TBCK: variants seen among roughly 807,000 people sequenced by gnomAD.
The protein encoded by TBCK is TBC domain-containing protein kinase-like protein.
Under a neutral mutation model 113.4 loss-of-function variants are expected in TBCK, and 99 were observed. The observed-to-expected ratio is 0.87, with a 90% CI of 0.74 to 1.03. The LOEUF is 1.03. Among genes scored for constraint, TBCK ranks in the 50% least tolerant of loss-of-function variants. The pLI is 0.00. For synonymous variants in TBCK, 369 were observed against 370.8 expected (o/e 1.00, Z 0.05); for missense variants, 1,045 against 1,061.3 (o/e 0.98, Z 0.21).
intron 3 of TBCK, among the ~76,000 whole-genome samples, chr4:106,283,126 CAT>C (rs1434996069): frequency 3.3e-5 from 5 of 151,618 alleles, no homozygotes; most frequent in Non-Finnish European, 7.4e-5. Flanking sequence ...AATTGTAGCA[CAT>C]GATTAAAAAA....
At chr4:106,186,501 T>C (rs891647047) in intron 22 of TBCK, among the ~76,000 whole-genome samples, 3 of 152,212 alleles carry the variant, frequency 2.0e-5, no homozygotes, top group Non-Finnish European at 1.5e-5. Context: ...TGAACATTTT[T>C]TCATATGCTT....
intron 20 of TBCK, among the ~76,000 whole-genome samples, chr4:106,196,919 G>C: frequency 6.6e-6 from 1 of 151,994 alleles, no homozygotes; most frequent in East Asian, 1.9e-4. Flanking sequence ...TCCTATACTA[G>C]TCTTTGTAAT....
At chr4:106,196,733 T>C (rs1387464132) in intron 20 of TBCK, among the ~76,000 whole-genome samples, 1 of 152,094 alleles carries the variant, frequency 6.6e-6, no homozygotes, top group Non-Finnish European at 1.5e-5. Flanking sequence ...AAAACATAAA[T>C]TGTTCATTTA....
At chr4:106,062,900 C>A (rs915326055) in intron 25 of TBCK, among the ~76,000 whole-genome samples, 3 of 151,814 alleles carry the variant, frequency 2.0e-5, no homozygotes, top group African/African-American at 7.3e-5. Flanking sequence ...TGTTAAAAAA[C>A]CAAGAAAACC....
rs545279134 is a variant in TBCK at position 106,239,296 on chromosome 4, G to C, written c.1171-2488C>G. Among the ~76,000 whole-genome samples, 90 of 152,164 alleles carry C rather than the reference G, an allele frequency of 5.9e-4. 1 individual carries two copies. The highest frequency in any genetic ancestry group is 8.8e-4 in the Non-Finnish European group (60 of 67,990). On this transcript the variant is annotated intron_variant, in intron 12 of 25. Transcript: ENST00000394708. ...GCTGAGAAGCCTTGTGAAGGTCACA[G>C]CCCAGGAACACAGGCTCACTAAAAA...
intron 22 of TBCK, among the ~76,000 whole-genome samples, chr4:106,188,096 G>T (rs979825029): frequency 6.6e-6 from 1 of 152,160 alleles, no homozygotes; most frequent in African/African-American, 2.4e-5. Context: ...TGGAATAGGA[G>T]TGGTGAGAGT....
Position 106,136,098 on chromosome 4 carries a change from T to C in TBCK, c.2236-19720A>G, listed in dbSNP as rs965412921. Among the ~76,000 whole-genome samples the C allele has an allele frequency of 4.9e-5, 7 of 141,988 alleles. 1 individual carries two copies. Among genetic ancestry groups the C allele is most frequent in the Admixed American group, 6.9e-5 (1 of 14,426 alleles). The allele number at this position is 141,988 out of a possible 152,430, so 93.1% of individuals were successfully genotyped here. Reference sequence around the variant, plus strand: ...TTAATATCTAGATTAAGTGATGGCATTGGTAATCGAGAGCTTTGCTCAATT... The same window carrying C: ...TTAATATCTAGATTAAGTGATGGCACTGGTAATCGAGAGCTTTGCTCAATT... On this transcript the variant is annotated intron_variant, in intron 23 of 25. Coordinates refer to ENST00000394708, the MANE Select transcript of TBCK (RefSeq NM_001163435.3).
At chr4:106,088,912 A>C (rs1275597275) in intron 25 of TBCK, among the ~76,000 whole-genome samples, 1 of 152,016 alleles carries the variant, frequency 6.6e-6, no homozygotes, top group Admixed American at 6.6e-5. Flanking sequence ...GGAACAATAC[A>C]CCCCATGGCT....
At chr4:106,316,653 C>A, upstream of TBCK, 1 of 1,520,044 alleles carries the variant, frequency 6.6e-7, no homozygotes, top group Non-Finnish European at 8.9e-7. Context: ...TCGTAGGGGT[C>A]TTCCTTCTCT....
intron 22 of TBCK, among the ~76,000 whole-genome samples, chr4:106,183,351 A>G (rs930116551): frequency 6.6e-6 from 1 of 151,846 alleles, no homozygotes; most frequent in African/African-American, 2.4e-5. Context: ...TATTTTACCA[A>G]CTTTTATCAC....
intron 23 of TBCK, among the ~76,000 whole-genome samples, chr4:106,158,574 A>T (rs1749386353): frequency 6.6e-6 from 1 of 152,170 alleles, no homozygotes; most frequent in African/African-American, 2.4e-5. Flanking sequence ...GTTCTTAGAA[A>T]CACAAAGCTT....
chr4:106,266,011 T>C (rs1473502935), intron 3 of TBCK, among the ~76,000 whole-genome samples: 2 of 151,790 alleles, frequency 1.3e-5, no homozygotes, highest in Non-Finnish European at 1.5e-5. Flanking sequence ...CTTAAACAAA[T>C]AGGGAATGTG....
intron 23 of TBCK, among the ~76,000 whole-genome samples, chr4:106,117,199 T>C (rs1020455564): frequency 1.8e-4 from 28 of 152,020 alleles, no homozygotes; most frequent in Admixed American, 1.2e-3. Flanking sequence ...GAGAGTGCTT[T>C]AAAAAAAACA....
intron 22 of TBCK, among the ~76,000 whole-genome samples, chr4:106,171,983 A>G (rs887144605): frequency 5.3e-5 from 8 of 152,024 alleles, no homozygotes; most frequent in Non-Finnish European, 8.8e-5. Context: ...GGCCTATGCC[A>G]CAACACCCGG....
rs1381681588 is a variant in TBCK at position 106,247,291 on chromosome 4, G to A, written c.783-4C>T. 1.2e-6 allele frequency: 2 copies of A among 1,610,360 alleles called. No individual in the cohort carries two copies. Among genetic ancestry groups the A allele is most frequent in the African/African-American group, 1.3e-5 (1 of 74,762 alleles). On this transcript the variant is annotated splice_region_variant and splice_polypyrimidine_tract_variant and intron_variant, in intron 9 of 25. Transcript: ENST00000394708. ...CATTAATTGATCTGGGGTTGGCCTT[G>A]AGAACATTTAAAATACAGAGCATGA...
chr4:106,067,801 T>C (rs1181269637), intron 25 of TBCK, among the ~76,000 whole-genome samples: 1 of 152,182 alleles, frequency 6.6e-6, no homozygotes, highest in Non-Finnish European at 1.5e-5. Context: ...CAATTTTCCA[T>C]AGACGTGAGG....
At chr4:106,202,911 C>A (rs939723500) in intron 20 of TBCK, among the ~76,000 whole-genome samples, 3 of 151,806 alleles carry the variant, frequency 2.0e-5, no homozygotes, top group Non-Finnish European at 4.4e-5. Context: ...TATTTGTGCA[C>A]CAAAATTTTT....
chr4:106,207,815 CTT>C (rs1755697307), intron 20 of TBCK, among the ~76,000 whole-genome samples: 1 of 152,168 alleles, frequency 6.6e-6, no homozygotes, highest in South Asian at 2.1e-4. Flanking sequence ...TGTTGAATAA[CTT>C]TGCCCACTCT....
At chr4:106,149,196 G>A (rs1748189945) in intron 23 of TBCK, among the ~76,000 whole-genome samples, 1 of 152,162 alleles carries the variant, frequency 6.6e-6, no homozygotes, top group South Asian at 2.1e-4. Context: ...CTTCTATCCA[G>A]ACCACTAAAA....
Sources: allele counts gnomAD v4.1 joint callset (sites outside exome capture counted in the v4.1 genomes callset), GRCh38; gene constraint gnomAD v4.1.1; transcripts MANE v1.5; gene names NCBI Gene and HGNC (gene_info 2026-07-23, HGNC 2026-07-21).